The following ING5 variants were observed in gnomAD, a reference collection of about 807,000 sequenced individuals.
The protein encoded by ING5 is inhibitor of growth family member 5.
ING5 carries 17 observed loss-of-function variants against 37.4 expected under a neutral mutation model. The ratio of observed to expected loss-of-function variants is 0.45; its 90% CI spans 0.31 to 0.68. The LOEUF is 0.68. ING5 is among the 30% of genes least tolerant of loss of function. The pLI is 0.05. For synonymous variants in ING5, 123 were observed against 116.6 expected (o/e 1.06, Z -0.36); for missense variants, 233 against 311.9 (o/e 0.75, Z 1.91).
At chr2:241,713,047 G>C (rs954141486) in intron 5 of ING5, among the ~76,000 whole-genome samples, 1 of 150,332 alleles carries the variant, frequency 6.7e-6, no homozygotes, top group Non-Finnish European at 1.5e-5. Context: ...TGACAAAAAA[G>C]GGACAATTTT....
intron 2 of ING5, 140 bp from the exon 3 acceptor site, chr2:241,709,076 C>A: frequency 1.1e-6 from 1 of 894,984 alleles, no homozygotes; most frequent in Non-Finnish European, 1.7e-6. Flanking sequence ...CCCACTTGCG[C>A]TCCCACCAGC....
At chr2:241,720,959 A>G in intron 5 of ING5, 2 of 985,672 alleles carry the variant, frequency 2.0e-6, no homozygotes, top group Non-Finnish European at 2.4e-6. Context: ...CGGTCCCCTC[A>G]GGCCCCCGGC....
chr2:241,720,186 A>C (rs1412344879), intron 5 of ING5: 1 of 1,234,584 alleles, frequency 8.1e-7, no homozygotes, highest in African/African-American at 1.6e-5. Flanking sequence ...GGGTGCCTCC[A>C]AGGGCATCAT....
In ING5 at chr2:241,709,358, G is replaced by T. The variant is rs200232942; in HGVS notation, c.252G>T (p.Gln84His). 2.8e-5 allele frequency: 45 copies of T among 1,613,614 alleles called. No homozygotes were observed. Among genetic ancestry groups the T allele is most frequent in the Non-Finnish European group, 2.6e-5 (31 of 1,179,924 alleles). Residue 84 changes from glutamine (Q) to histidine (H), a missense_variant, in exon 3 of 8, where the codon CAG becomes CAT. Physicochemically the swap from Gln to His is conservative, Grantham distance 24. Coordinates refer to ENST00000313552, the MANE Select transcript of ING5 (RefSeq NM_032329.6). ...AGGAATACAGTGACGACAAAGTGCA[G>T]CTGGCCATGCAGACCTACGAGATGG... Reference protein sequence around the residue: ...KCKEYSDDKVQLAMQTYEMVD... With the variant: ...KCKEYSDDKVHLAMQTYEMVD...
intron 5 of ING5, chr2:241,719,670 C>T: frequency 6.5e-7 from 1 of 1,532,686 alleles, no homozygotes; most frequent in Middle Eastern, 1.7e-4. Flanking sequence ...GAAGGAGACT[C>T]CAGCTCCCTG....
intron 5 of ING5, among the ~76,000 whole-genome samples, chr2:241,714,311 T>A (rs1275419118): frequency 6.6e-6 from 1 of 152,198 alleles, no homozygotes; most frequent in African/African-American, 2.4e-5. Flanking sequence ...ATTAACTTTA[T>A]TAAGGAATAA....
intron 7 of ING5, 148 bp from the exon 8 acceptor site, chr2:241,724,841 G>A: frequency 2.8e-6 from 2 of 704,828 alleles, no homozygotes; most frequent in Non-Finnish European, 4.8e-6. Flanking sequence ...TTCCCTGCGG[G>A]AGGGCCGCGG....
At chr2:241,698,369 C>G (rs971255682), upstream of ING5, among the ~76,000 whole-genome samples, 1 of 150,988 alleles carries the variant, frequency 6.6e-6, no homozygotes, top group African/African-American at 2.4e-5. Context: ...GGCGTGGATC[C>G]GGGAGGTGGA....
Position 241,723,083 on chromosome 2 carries a change from C to T in ING5, c.618+9C>T, listed in dbSNP as rs200108185. ...GCTGTGACAATCCAGACGTGAGTGT[C>T]GCCTGCAGGATTCGCGCCATGGGGC... On this transcript the variant is annotated intron_variant, in intron 6 of 7. Transcript: ENST00000313552. The T allele has an allele frequency of 2.1e-4, 342 of 1,614,240 alleles. No homozygotes were observed. The African/African-American group carries it at 3.4e-3, about 16-fold the overall frequency.
intron 5 of ING5, chr2:241,720,525 G>A (rs2070404050): frequency 1.0e-6 from 1 of 992,598 alleles, no homozygotes; most frequent in Non-Finnish European, 1.2e-6. Context: ...CTGTGGCCTT[G>A]CTCTGGCGAG....
At chr2:241,696,587 A>G (rs2069633236) in intron 2 of ING5, among the ~76,000 whole-genome samples, 1 of 151,056 alleles carries the variant, frequency 6.6e-6, no homozygotes, top group African/African-American at 2.4e-5. Context: ...GGAGTTGGAG[A>G]CCAGCCTGGG....
At chr2:241,687,191 C>T (rs1193597752) in exon 1 of ING5, 3 of 394,778 alleles carry the variant, frequency 7.6e-6, no homozygotes, top group Non-Finnish European at 8.9e-6. Context: ...TCTCGTTGGC[C>T]CCTGGCTGCG....
At chr2:241,702,016 C>T (rs1418228895), upstream of ING5, 30 of 1,321,166 alleles carry the variant, frequency 2.3e-5, no homozygotes, top group Non-Finnish European at 2.7e-5. Flanking sequence ...GCCCCCGCCT[C>T]CCGCGGCACC....
Position 241,725,899 on chromosome 2 carries a change from A to C in ING5, c.*868A>C, listed in dbSNP as rs957751352. 6.6e-6 allele frequency: 1 copy of C among 152,632 alleles called. No individual in the cohort carries two copies. The highest frequency in any genetic ancestry group is 1.5e-5 in the Non-Finnish European group (1 of 68,034). 9.5% of individuals were successfully genotyped at this position (152,632 alleles called of 1,614,324 possible). ...ACGAATGCTTCTGCCTGTGCTGTGC[A>C]TTCCCAGGCCCGCAGCTCCCGGTCG... On this transcript the variant is annotated 3_prime_UTR_variant, in exon 8 of 8. Coordinates refer to ENST00000313552, the MANE Select transcript of ING5 (RefSeq NM_032329.6).
chr2:241,723,166 G>A (rs1383720090), intron 6 of ING5, 44 bp from the exon 7 acceptor site: 2 of 1,613,244 alleles, frequency 1.2e-6, no homozygotes, highest in East Asian at 2.2e-5. Flanking sequence ...TTTGCATACA[G>A]AACATGAGGC....
At chr2:241,724,030 A>C in intron 7 of ING5, 1 of 1,393,812 alleles carries the variant, frequency 7.2e-7, no homozygotes, top group African/African-American at 1.5e-5. Context: ...ATAAAAAGAT[A>C]AAAACCTGGC....
At chr2:241,720,737 G>A (rs139303332) in intron 5 of ING5, 3 of 985,406 alleles carry the variant, frequency 3.0e-6, no homozygotes, top group South Asian at 4.7e-5. Context: ...GGTGCCTCTT[G>A]TGGCAGTGGT....
chr2:241,695,809 G>A (rs2069621876), intron 2 of ING5, among the ~76,000 whole-genome samples: 1 of 152,178 alleles, frequency 6.6e-6, no homozygotes, highest in Admixed American at 6.6e-5. Flanking sequence ...TTATGATACT[G>A]AAATATTGGG....
exon 2 of ING5, chr2:241,690,438 C>G: frequency 5.1e-6 from 2 of 392,872 alleles, no homozygotes; most frequent in Non-Finnish European, 9.0e-6. Flanking sequence ...GGTCCACATC[C>G]TAGCAGTTCT....
Sources: gnomAD v4.1 joint callset for allele counts (sites outside exome capture counted in the v4.1 genomes callset) on GRCh38, gnomAD v4.1.1 for gene constraint, MANE v1.5 for transcripts, NCBI Gene and HGNC (gene_info 2026-07-23, HGNC 2026-07-21) for gene names.